The following CSMD3 variants were observed in gnomAD, a reference collection of about 807,000 sequenced individuals.
CSMD3 encodes CUB and sushi domain-containing protein 3.
A neutral mutation model predicts 435.2 loss-of-function variants in CSMD3; 177 were observed. The ratio of observed to expected loss-of-function variants is 0.41; its 90% CI spans 0.36 to 0.46. The LOEUF (loss-of-function observed/expected upper bound fraction) is 0.46, where lower values mean the gene tolerates loss of function less well. CSMD3 is among the 20% of genes least tolerant of loss of function. CSMD3 has a pLI of 0.34. For missense variants in CSMD3, 4,265 were observed against 4,504.6 expected (o/e 0.95, Z 1.52); for synonymous variants, 1,656 against 1,520.5 (o/e 1.09, Z -2.07).
chr8:112,934,296 T>C (rs1163948772), intron 9 of CSMD3, among the ~76,000 whole-genome samples: 1 of 152,184 alleles, frequency 6.6e-6, no homozygotes, highest in East Asian at 1.9e-4. Flanking sequence ...ATCTATTTTT[T>C]TATGGCATAT....
intron 32 of CSMD3, among the ~76,000 whole-genome samples, chr8:112,464,775 G>T (rs1411188927): frequency 6.6e-6 from 1 of 152,074 alleles, no homozygotes; most frequent in Non-Finnish European, 1.5e-5. Flanking sequence ...AACCTTCATG[G>T]CCTTAATCTA....
At chr8:112,538,394 G>A (rs938268872) in intron 27 of CSMD3, among the ~76,000 whole-genome samples, 2 of 152,000 alleles carry the variant, frequency 1.3e-5, no homozygotes, top group African/African-American at 4.8e-5. Context: ...ATCGAAATTA[G>A]GAAGAAGTAA....
intron 5 of CSMD3, among the ~76,000 whole-genome samples, chr8:113,070,109 C>A (rs1035370254): frequency 6.6e-6 from 1 of 152,000 alleles, no homozygotes; most frequent in Non-Finnish European, 1.5e-5. Context: ...ACACTTCTAG[C>A]CACATTTAGC....
At chr8:112,572,435 T>C (rs892402785) in intron 24 of CSMD3, among the ~76,000 whole-genome samples, 29 of 152,224 alleles carry the variant, frequency 1.9e-4, no homozygotes, top group African/African-American at 6.0e-4. Context: ...TATTCTCTTG[T>C]CTACTATTTC....
At position 113,425,633 on chromosome 8, in the gene CSMD3, T is replaced by C. The variant is rs975595035; in HGVS notation, c.178+11044A>G. On this transcript the variant is annotated intron_variant, in intron 1 of 70. Transcript: ENST00000297405. ...AGATATTAAAGGTTTTCTAGCACTTTTCTAGAAAATGGATCTTAAAAGTTT... is the reference window on the plus strand; with the variant it reads ...AGATATTAAAGGTTTTCTAGCACTTCTCTAGAAAATGGATCTTAAAAGTTT... Among the ~76,000 whole-genome samples, 3 of 151,452 alleles carry C rather than the reference T, an allele frequency of 2.0e-5. 1 individual carries two copies. The highest frequency in any genetic ancestry group is 1.5e-5 in the Non-Finnish European group (1 of 67,498).
At chr8:112,228,934 C>G (rs2129842504) in intron 69 of CSMD3, 43 bp from the exon 70 acceptor site, 1 of 1,064,888 alleles carries the variant, frequency 9.4e-7, no homozygotes, top group Non-Finnish European at 1.4e-6. Context: ...ACTCTTTTAT[C>G]ATAATTAATT....
At chr8:112,957,066 T>C (rs138172451) in intron 7 of CSMD3, among the ~76,000 whole-genome samples, 2,097 of 152,152 alleles carry the variant, frequency 0.014, 23 homozygotes, top group Admixed American at 0.021. Flanking sequence ...GTATATCTCC[T>C]AATAAATAAA....
chr8:112,524,355 A>T (rs1249062269), intron 27 of CSMD3, among the ~76,000 whole-genome samples: 1 of 151,916 alleles, frequency 6.6e-6, no homozygotes, highest in East Asian at 1.9e-4. Context: ...AAAAAGAAAT[A>T]AAAATTATGT....
chr8:112,900,036 T>C (rs2082068971), intron 10 of CSMD3, among the ~76,000 whole-genome samples: 1 of 151,190 alleles, frequency 6.6e-6, no homozygotes, highest in Non-Finnish European at 1.5e-5. Context: ...TCTGACTTGC[T>C]ACAAGTGGAC....
intron 25 of CSMD3, among the ~76,000 whole-genome samples, chr8:112,556,041 A>G (rs953381695): frequency 6.6e-6 from 1 of 151,838 alleles, no homozygotes; most frequent in African/African-American, 2.4e-5. Context: ...GTTTTGCTAC[A>G]AAGTTGTTTT....
At chr8:112,587,036 C>A in intron 23 of CSMD3, 30 bp downstream of exon 23, 1 of 1,532,168 alleles carries the variant, frequency 6.5e-7, no homozygotes. Flanking sequence ...TAAAAATGAA[C>A]AATATACAAG....
At chr8:112,998,256 G>A (rs1587853315) in intron 6 of CSMD3, among the ~76,000 whole-genome samples, 1 of 151,856 alleles carries the variant, frequency 6.6e-6, no homozygotes, top group East Asian at 1.9e-4. Context: ...TACCCTGGAA[G>A]AATTATCCTT....
intron 1 of CSMD3, among the ~76,000 whole-genome samples, chr8:113,323,222 T>C (rs2093960865): frequency 6.6e-6 from 1 of 152,210 alleles, no homozygotes; most frequent in South Asian, 2.1e-4. Flanking sequence ...TCATGAGATT[T>C]GAGGCCTTGC....
At chr8:112,817,841 A>T (rs1004301524) in intron 12 of CSMD3, among the ~76,000 whole-genome samples, 3 of 152,130 alleles carry the variant, frequency 2.0e-5, no homozygotes, top group African/African-American at 7.2e-5. Context: ...TATGATGTCC[A>T]ATTACAATGC....
At chr8:112,937,268 TA>T (rs1429683531) in intron 9 of CSMD3, among the ~76,000 whole-genome samples, 2 of 152,066 alleles carry the variant, frequency 1.3e-5, no homozygotes, top group Admixed American at 6.6e-5. Flanking sequence ...TATATGGTAA[TA>T]ATGTACTGAC....
intron 13 of CSMD3, among the ~76,000 whole-genome samples, chr8:112,726,102 C>T (rs1307527871): frequency 1.3e-5 from 2 of 151,994 alleles, no homozygotes; most frequent in East Asian, 3.9e-4. Context: ...AAATTATAAA[C>T]CATCAGATCT....
chr8:112,266,568 A>C (rs1416543988), intron 59 of CSMD3, among the ~76,000 whole-genome samples: 1 of 152,236 alleles, frequency 6.6e-6, no homozygotes, highest in Non-Finnish European at 1.5e-5. Flanking sequence ...TTAAACTCTA[A>C]GCACAAGACT....
At chr8:113,412,465 A>T (rs1018069236) in intron 1 of CSMD3, among the ~76,000 whole-genome samples, 2 of 152,144 alleles carry the variant, frequency 1.3e-5, no homozygotes, top group African/African-American at 4.8e-5. Context: ...ATAAAATGCA[A>T]TAAACTCTTT....
chr8:113,218,949 G>C (rs1035056103), intron 3 of CSMD3, among the ~76,000 whole-genome samples: 5 of 151,202 alleles, frequency 3.3e-5, no homozygotes, highest in African/African-American at 1.2e-4. Flanking sequence ...TTCAAGATGA[G>C]ATTTGGACAG....
Sources: gnomAD v4.1 joint callset for allele counts (sites outside exome capture counted in the v4.1 genomes callset) on GRCh38, gnomAD v4.1.1 for gene constraint, MANE v1.5 for transcripts, NCBI Gene and HGNC (gene_info 2026-07-23, HGNC 2026-07-21) for gene names.